The following SLC47A2 variants were observed in gnomAD, a reference collection of about 807,000 sequenced individuals.
SLC47A2 encodes solute carrier family 47 member 2.
SLC47A2 carries 52 observed loss-of-function variants against 67.7 expected under a neutral mutation model. The observed-to-expected ratio is 0.77, with a 90% CI of 0.61 to 0.97. The LOEUF (loss-of-function observed/expected upper bound fraction) is 0.97. Ranked by LOEUF, SLC47A2 falls within the 50% of genes least tolerant of loss-of-function variation. The pLI is 0.00. For synonymous variants in SLC47A2, 278 were observed against 292.9 expected, an observed-to-expected ratio of 0.95 and a Z score of 0.52; for missense variants, 676 against 712.3, an observed-to-expected ratio of 0.95 and a Z score of 0.58.
intron 5 of SLC47A2, among the ~76,000 whole-genome samples, chr17:19,711,093 G>A (rs975536889): frequency 3.9e-5 from 6 of 152,100 alleles, no homozygotes; most frequent in East Asian, 1.9e-4. Context: ...ACAGGCGTGA[G>A]CCACTGCGCC....
At position 19,702,960 on chromosome 17, in the gene SLC47A2, G is replaced by A. The variant is rs148463964; in HGVS notation, c.1094+132C>T. 1,275 of 1,055,532 alleles carry A rather than the reference G, an allele frequency of 1.2e-3. 7 individuals carry two copies. The African/African-American group carries it at 0.018, about 15-fold the overall frequency. The allele number at this position is 1,055,532 out of a possible 1,614,324, so 65.4% of individuals were successfully genotyped here. On this transcript the variant is annotated intron_variant, in intron 12 of 16. Coordinates refer to ENST00000433844, the MANE Select transcript of SLC47A2 (RefSeq NM_001099646.3). The stretch of plus-strand genomic sequence containing the variant: ...ATAGACAGAAGTTGGCTTCCTCTCA[G>A]TGAGAGCCAAGCCTGGGCTCTTCCT...
At chr17:19,709,712 C>A (rs1195210006) in intron 5 of SLC47A2, among the ~76,000 whole-genome samples, 4 of 152,154 alleles carry the variant, frequency 2.6e-5, no homozygotes, top group Middle Eastern at 3.4e-3. Context: ...ACTAACATAA[C>A]TATGTTAGTG....
At chr17:19,688,984 G>T (rs966728412) in intron 13 of SLC47A2, among the ~76,000 whole-genome samples, 1 of 151,812 alleles carries the variant, frequency 6.6e-6, no homozygotes, top group African/African-American at 2.4e-5. Context: ...TCCCACCTCA[G>T]CCTCTCAAGT....
At chr17:19,692,859 G>A (rs954642312) in intron 13 of SLC47A2, among the ~76,000 whole-genome samples, 3 of 152,150 alleles carry the variant, frequency 2.0e-5, no homozygotes, top group Admixed American at 1.3e-4. Context: ...CGGGCCAGGC[G>A]CAGTGGCTCA....
At chr17:19,679,561 T>C (rs2085267893) in intron 16 of SLC47A2, among the ~76,000 whole-genome samples, 1 of 152,196 alleles carries the variant, frequency 6.6e-6, no homozygotes, top group African/African-American at 2.4e-5. Flanking sequence ...AAGTTGGCCT[T>C]CCGTCTTGAG....
In SLC47A2 at chr17:19,679,959, T is replaced by C; in HGVS notation, c.1473A>G (p.Leu491=). Residue 491 remains leucine, a synonymous_variant, in exon 16 of 17, where the codon CTA becomes CTG. Coordinates refer to ENST00000433844, the MANE Select transcript of SLC47A2 (RefSeq NM_001099646.3). ...CAGCGGTGACAGTATTACCTGAAGA[T>C]AGGACTGCTTTCTCAGGCCCAGGTC... ...ATRPGPEKAV[L]SSVATGSSPG... is the part of the protein sequence containing the mutation. The C allele has an allele frequency of 3.1e-6, 5 of 1,613,666 alleles. No individual in the cohort carries two copies. The highest frequency in any genetic ancestry group is 4.2e-6 in the Non-Finnish European group (5 of 1,179,820).
chr17:19,709,473 A>G (rs2086039008), intron 5 of SLC47A2, among the ~76,000 whole-genome samples: 1 of 152,166 alleles, frequency 6.6e-6, no homozygotes, highest in African/African-American at 2.4e-5. Flanking sequence ...ACAGAGCTGG[A>G]ATAGACCGGG....
intron 13 of SLC47A2, among the ~76,000 whole-genome samples, chr17:19,687,040 T>C (rs543623099): frequency 6.6e-6 from 1 of 152,264 alleles, no homozygotes; most frequent in African/African-American, 2.4e-5. Flanking sequence ...CAGACCATAT[T>C]TGAGTCACAA....
chr17:19,707,547 T>C (rs2085973500), intron 8 of SLC47A2, among the ~76,000 whole-genome samples, 199 bp downstream of exon 8: 1 of 152,162 alleles, frequency 6.6e-6, no homozygotes, highest in Admixed American at 6.5e-5. Context: ...AGCAGGGCTC[T>C]GCATCGTGAC....
chr17:19,693,861 G>A (rs2085600576), intron 13 of SLC47A2, among the ~76,000 whole-genome samples: 1 of 152,144 alleles, frequency 6.6e-6, no homozygotes, highest in Admixed American at 6.5e-5. Context: ...AAGTAAAAGT[G>A]TCTATTCACA....
At chr17:19,716,069 A>G (rs1015048362) in intron 1 of SLC47A2, 1 of 216,170 alleles carries the variant, frequency 4.6e-6, no homozygotes, top group Non-Finnish European at 9.1e-6. Flanking sequence ...TGGAAATGAA[A>G]TGGGTAGCCG....
chr17:19,679,883 G>T, intron 16 of SLC47A2, 69 bp downstream of exon 16: 1 of 1,466,768 alleles, frequency 6.8e-7, no homozygotes, highest in South Asian at 1.3e-5. Context: ...GGCACAGAGG[G>T]CAGACAAGAG....
chr17:19,706,602 G>A (rs1444408540), intron 9 of SLC47A2, 46 bp downstream of exon 9: 14 of 1,481,794 alleles, frequency 9.4e-6, no homozygotes, highest in Non-Finnish European at 1.3e-5. Context: ...TCTGGGCTGG[G>A]TGAGCCGCCC....
Position 19,695,444 on chromosome 17 carries a change from C to G in SLC47A2, c.1164+7161G>C, listed in dbSNP as rs115400218. ...CTGTAGTGAGCTATGATGGTGCCAA[C>G]TGCACTCCAGCCTGGGCAACAGAGT... is the stretch of plus-strand genomic sequence containing the variant. On this transcript the variant is annotated intron_variant, in intron 13 of 16. Transcript: ENST00000433844. 7.9e-3 allele frequency among the ~76,000 whole-genome samples: 1,068 copies of G among 135,152 alleles called. 7 individuals carry two copies. The highest frequency in any genetic ancestry group is 0.028 in the African/African-American group (1,011 of 35,906). The allele number at this position is 135,152 out of a possible 152,430, so 88.7% of individuals were successfully genotyped here.
chr17:19,715,697 G>GTTTTTGTT (rs2086236976), intron 1 of SLC47A2: 1 of 99,472 alleles, frequency 1.0e-5, no homozygotes, highest in South Asian at 3.6e-4. Context: ...TTTTGGTTTT[G>GTTTTTGTT]TTTTTTTTGT....
chr17:19,712,386 C>CA (rs1034226374), intron 5 of SLC47A2, among the ~76,000 whole-genome samples: 33 of 151,818 alleles, frequency 2.2e-4, no homozygotes, highest in African/African-American at 6.3e-4. Context: ...GACTCCATCT[C>CA]AAAAAAAATC....
chr17:19,688,596 TTG>T (rs1392522400), intron 13 of SLC47A2, among the ~76,000 whole-genome samples: 3 of 152,168 alleles, frequency 2.0e-5, no homozygotes, highest in Non-Finnish European at 2.9e-5. Flanking sequence ...TTTTGTTTGT[TTG>T]TTTTGTTTTT....
At chr17:19,712,597 G>T in intron 5 of SLC47A2, 106 bp downstream of exon 5, 1 of 1,218,274 alleles carries the variant, frequency 8.2e-7, no homozygotes, top group Non-Finnish European at 1.2e-6. Context: ...TGGCCCAGCA[G>T]GAAGTCACAG....
intron 13 of SLC47A2, among the ~76,000 whole-genome samples, chr17:19,686,669 G>T (rs1351327011): frequency 6.6e-6 from 1 of 152,134 alleles, no homozygotes; most frequent in East Asian, 1.9e-4. Flanking sequence ...AGATAAAATA[G>T]ATTTCAAGAC....
Sources: gnomAD v4.1 joint callset for allele counts (sites outside exome capture counted in the v4.1 genomes callset) on GRCh38, gnomAD v4.1.1 for gene constraint, MANE v1.5 for transcripts, NCBI Gene and HGNC (gene_info 2026-07-23, HGNC 2026-07-21) for gene names.